The following OPCML variants were observed in gnomAD, a reference collection of about 807,000 sequenced individuals.
OPCML encodes opioid-binding protein/cell adhesion molecule.
A neutral mutation model predicts 37.8 loss-of-function variants in OPCML; 13 were observed. The ratio of observed to expected loss-of-function variants is 0.34; its 90% CI spans 0.22 to 0.55. The LOEUF (loss-of-function observed/expected upper bound fraction) is 0.55. OPCML is among the 20% of genes least tolerant of loss of function. The probability of loss-of-function intolerance (pLI) is 0.91; values close to 1 mark genes in which losing one functional copy is unlikely to be tolerated. For synonymous variants in OPCML, 176 were observed against 168.8 expected (o/e 1.04, Z -0.33); for missense variants, 341 against 435.6 (o/e 0.78, Z 1.93).
rs148259156 is a variant in OPCML, at chr11:133,433,311, T to C, written c.61+98953A>G. On this transcript the variant is annotated intron_variant, in intron 1 of 7. Coordinates refer to ENST00000524381, the MANE Select transcript of OPCML (RefSeq NM_001012393.5). ...TTAATGTTCTCTTAATCCTAAATTA[T>C]ATTCTGACAGCCATTTTTATTTCTT... Among the ~76,000 whole-genome samples the C allele has an allele frequency of 4.1e-3, 621 of 151,784 alleles. 12 individuals are homozygous for C. The highest frequency in any genetic ancestry group is 0.014 in the African/African-American group (574 of 41,216).
intron 3 of OPCML, among the ~76,000 whole-genome samples, chr11:132,652,741 G>C (rs926933763): frequency 1.3e-5 from 2 of 152,110 alleles, no homozygotes; most frequent in African/African-American, 4.8e-5. Context: ...GTCACATCGA[G>C]GACCCTCTCC....
At chr11:132,633,795 G>C (rs1310109782) in intron 3 of OPCML, among the ~76,000 whole-genome samples, 1 of 152,128 alleles carries the variant, frequency 6.6e-6, no homozygotes, top group African/African-American at 2.4e-5. Context: ...TTACTTGGTA[G>C]AGTTTCTTTT....
intron 2 of OPCML, among the ~76,000 whole-genome samples, chr11:132,800,162 G>A (rs1938561069): frequency 1.3e-5 from 2 of 152,036 alleles, no homozygotes; most frequent in South Asian, 4.1e-4. Flanking sequence ...TTATTACTAA[G>A]TATTTTGTAT....
At chr11:133,299,386 G>A (rs1942724434) in intron 1 of OPCML, 1 of 152,230 alleles carries the variant, frequency 6.6e-6, no homozygotes, top group Admixed American at 6.5e-5. Context: ...TTGAAGCTCT[G>A]AGGCCAATAG....
intron 1 of OPCML, among the ~76,000 whole-genome samples, chr11:133,462,369 C>T (rs79724314): frequency 0.022 from 3,301 of 152,052 alleles, 86 homozygotes; most frequent in South Asian, 0.086. Context: ...AACATTTATG[C>T]ATCAAAGACC....
intron 1 of OPCML, among the ~76,000 whole-genome samples, chr11:133,295,405 A>G (rs1391890676): frequency 6.6e-6 from 1 of 152,202 alleles, no homozygotes; most frequent in Admixed American, 6.5e-5. Flanking sequence ...CAGGCTTTAC[A>G]CCGATCTGAA....
Position 133,206,206 on chromosome 11 carries a change from A to G in OPCML, c.62-263196T>C, listed in dbSNP as rs568703647. Among the ~76,000 whole-genome samples, 33 of 152,338 alleles carry G rather than the reference A, an allele frequency of 2.2e-4. No individual in the cohort carries two copies. The South Asian group carries it at 6.2e-3, about 29-fold the overall frequency. ...TTCCCATGGTGCCTAAAACGTCATC[A>G]ATGCTCAATGAATGCGAGCAGTACA... On this transcript the variant is annotated intron_variant, in intron 1 of 7. Coordinates refer to ENST00000524381, the MANE Select transcript of OPCML (RefSeq NM_001012393.5). The surrounding 1 kb of genome is among the most constrained non-coding windows in gnomAD (Gnocchi z 4.7).
At chr11:133,439,825 C>T (rs1946326421) in intron 1 of OPCML, among the ~76,000 whole-genome samples, 1 of 151,848 alleles carries the variant, frequency 6.6e-6, no homozygotes, top group East Asian at 1.9e-4. Flanking sequence ...TCTAAGATTC[C>T]TAAATAAAAT....
chr11:133,066,287 A>G (rs370109414), intron 1 of OPCML: 6 of 152,426 alleles, frequency 3.9e-5, no homozygotes, highest in South Asian at 4.1e-4. Flanking sequence ...CCCCAATTGC[A>G]GAAACATTAC....
Position 133,222,880 on chromosome 11 carries a change from C to T in OPCML, c.62-279870G>A, listed in dbSNP as rs375630958. Among the ~76,000 whole-genome samples, 33 of 152,114 alleles carry T rather than the reference C, an allele frequency of 2.2e-4. 1 individual carries two copies. Among genetic ancestry groups the T allele is most frequent in the Admixed American group, 3.9e-4 (6 of 15,272 alleles). On this transcript the variant is annotated intron_variant, in intron 1 of 7. Transcript: ENST00000524381. ...CGGGCTCTGCAGTGACAGGAGGAGACGAAAGAGCAGGCTGGGAAGCACTTG... is the reference window on the plus strand; with the variant it reads ...CGGGCTCTGCAGTGACAGGAGGAGATGAAAGAGCAGGCTGGGAAGCACTTG...
chr11:132,733,214 G>C lies in OPCML; in HGVS notation c.147-75895C>G, dbSNP rs533995142. Among the ~76,000 whole-genome samples, 13 of 152,210 alleles carry C rather than the reference G, an allele frequency of 8.5e-5. No homozygotes were observed. In the South Asian group the frequency reaches 2.7e-3, roughly 32 times the overall value. ...AAGCCTTGGCTAAAGATTTCCTTGA[G>C]AATGATAGTTAAAGTCATGGAAGCC... On this transcript the variant is annotated intron_variant, in intron 2 of 7. Transcript: ENST00000524381.
chr11:132,458,702 C>T (rs117109177), intron 4 of OPCML, among the ~76,000 whole-genome samples: 577 of 152,146 alleles, frequency 3.8e-3, no homozygotes, highest in Non-Finnish European at 6.6e-3. Context: ...GTACCTATTA[C>T]GATGAAAAAT....
intron 3 of OPCML, among the ~76,000 whole-genome samples, chr11:132,601,711 C>A (rs150275334): frequency 5.3e-5 from 8 of 152,284 alleles, no homozygotes; most frequent in Non-Finnish European, 1.2e-4. Context: ...ACCTTCCTAG[C>A]ACCCATCTAA....
chr11:133,520,071 G>A (rs1238609420), intron 1 of OPCML, among the ~76,000 whole-genome samples: 4 of 152,090 alleles, frequency 2.6e-5, no homozygotes, highest in African/African-American at 4.8e-5. Context: ...GAGGGTTAGA[G>A]CAGCTCTCCA....
At chr11:133,191,005 C>T (rs1285819049) in intron 1 of OPCML, among the ~76,000 whole-genome samples, 1 of 151,716 alleles carries the variant, frequency 6.6e-6, no homozygotes, top group African/African-American at 2.4e-5. Context: ...GGTTATGTCT[C>T]GGGGTGGAAT....
At chr11:132,574,243 T>TG (rs1451549862) in intron 3 of OPCML, among the ~76,000 whole-genome samples, 25 of 123,838 alleles carry the variant, frequency 2.0e-4, no homozygotes, top group Admixed American at 4.6e-4. Context: ...CTAATCTTTG[T>TG]GTTTTTTTTT....
At chr11:132,424,756 A>G (rs1169241934) in intron 7 of OPCML, among the ~76,000 whole-genome samples, 2 of 152,188 alleles carry the variant, frequency 1.3e-5, no homozygotes, top group Non-Finnish European at 2.9e-5. Flanking sequence ...GGATGAACGT[A>G]ATCAGTAGAG....
chr11:132,695,726 A>G (rs1943576910), intron 2 of OPCML, among the ~76,000 whole-genome samples: 1 of 152,192 alleles, frequency 6.6e-6, no homozygotes, highest in African/African-American at 2.4e-5. Context: ...ACCCACTACA[A>G]TGACAGTAAA....
chr11:132,901,270 G>A (rs1944052727), intron 2 of OPCML, among the ~76,000 whole-genome samples: 1 of 152,122 alleles, frequency 6.6e-6, no homozygotes, highest in Admixed American at 6.6e-5. Flanking sequence ...GTGCAGTATA[G>A]TGCCTCACAT....
Sources: gnomAD v4.1 joint callset for allele counts (sites outside exome capture counted in the v4.1 genomes callset) on GRCh38, gnomAD v4.1.1 for gene constraint, Gnocchi (gnomAD v3.1) non-coding constraint, MANE v1.5 for transcripts, NCBI Gene and HGNC (gene_info 2026-07-23, HGNC 2026-07-21) for gene names.